The following ARL15 variants were observed in gnomAD, a reference collection of about 807,000 sequenced individuals.
The protein encoded by ARL15 is ADP-ribosylation factor-like protein 15.
ARL15 carries 19 observed loss-of-function variants against 25.2 expected under a neutral mutation model. That is an observed-to-expected ratio of 0.75 (90% confidence interval 0.53 to 1.10). The LOEUF (loss-of-function observed/expected upper bound fraction) is 1.10, where lower values mean the gene tolerates loss of function less well. Ranked by LOEUF, ARL15 falls within the 50% of genes least tolerant of loss-of-function variation. The probability of loss-of-function intolerance (pLI) is 0.00; values close to 1 mark genes in which losing one functional copy is unlikely to be tolerated. For missense variants in ARL15, 220 were observed against 246.0 expected (o/e 0.89, Z 0.71); for synonymous variants, 94 against 86.8 (o/e 1.08, Z -0.46).
chr5:54,150,322 AAAG>A (rs925177246), intron 3 of ARL15, among the ~76,000 whole-genome samples: 3 of 152,210 alleles, frequency 2.0e-5, no homozygotes, highest in African/African-American at 7.2e-5. Flanking sequence ...TGAAGAAATC[AAAG>A]GAGGGAAGCA....
intron 1 of ARL15, among the ~76,000 whole-genome samples, chr5:54,249,490 C>G (rs186232473): frequency 6.6e-6 from 1 of 151,700 alleles, no homozygotes; most frequent in Non-Finnish European, 1.5e-5. Context: ...CAGAAGGGAA[C>G]GGGAAGAGTA....
chr5:53,910,777 T>C (rs1745438473), intron 4 of ARL15, among the ~76,000 whole-genome samples: 1 of 151,038 alleles, frequency 6.6e-6, no homozygotes, highest in Admixed American at 6.6e-5. Context: ...TCACAGATCA[T>C]GATTCCCCTG....
chr5:54,264,500 C>T (rs897636917), intron 1 of ARL15, among the ~76,000 whole-genome samples: 1 of 152,112 alleles, frequency 6.6e-6, no homozygotes, highest in African/African-American at 2.4e-5. Context: ...ATGAGGTACC[C>T]CCACAGTCAC....
At chr5:54,178,824 C>G (rs994726621) in intron 1 of ARL15, among the ~76,000 whole-genome samples, 1 of 152,164 alleles carries the variant, frequency 6.6e-6, no homozygotes, top group African/African-American at 2.4e-5. Context: ...AGTTATGGCT[C>G]TGTCTTTTGA....
intron 4 of ARL15, among the ~76,000 whole-genome samples, chr5:54,067,600 C>T (rs1305562907): frequency 6.6e-6 from 1 of 152,182 alleles, no homozygotes; most frequent in Non-Finnish European, 1.5e-5. Flanking sequence ...CTATGAAATG[C>T]TTGTGCTACA....
At chr5:54,000,501 C>T (rs771410478) in intron 4 of ARL15, among the ~76,000 whole-genome samples, 6 of 152,130 alleles carry the variant, frequency 3.9e-5, no homozygotes, top group Non-Finnish European at 5.9e-5. Flanking sequence ...AATGATGTAA[C>T]AACTGATGTA....
At chr5:53,981,245 A>G (rs1364758061) in intron 4 of ARL15, among the ~76,000 whole-genome samples, 1 of 152,256 alleles carries the variant, frequency 6.6e-6, no homozygotes, top group Non-Finnish European at 1.5e-5. Flanking sequence ...GAAAAATGAT[A>G]AAATAAATAT....
At chr5:54,185,418 A>G (rs905295822) in intron 1 of ARL15, among the ~76,000 whole-genome samples, 3 of 152,158 alleles carry the variant, frequency 2.0e-5, no homozygotes, top group South Asian at 2.1e-4. Flanking sequence ...TTTCACTGTC[A>G]TAACACTCAT....
intron 4 of ARL15, among the ~76,000 whole-genome samples, chr5:53,897,275 A>G (rs1744903874): frequency 6.6e-6 from 1 of 152,158 alleles, no homozygotes; most frequent in Non-Finnish European, 1.5e-5. Context: ...TTTAGCAACC[A>G]CTACTCTACT....
At chr5:54,102,873 C>G (rs1409458819) in intron 4 of ARL15, among the ~76,000 whole-genome samples, 9 of 152,118 alleles carry the variant, frequency 5.9e-5, no homozygotes, top group African/African-American at 2.2e-4. Flanking sequence ...TATGTGACTT[C>G]TAAATTACTT....
intron 4 of ARL15, among the ~76,000 whole-genome samples, chr5:53,894,364 C>T (rs929878928): frequency 3.9e-5 from 6 of 152,094 alleles, no homozygotes; most frequent in Non-Finnish European, 5.9e-5. Context: ...TTCCAATGCA[C>T]GGGAGAAGTT....
At position 54,125,075 on chromosome 5, in the gene ARL15, G is replaced by GTTTTTTT. The variant is rs774608441; in HGVS notation, c.254-11666_254-11665insAAAAAAA. 2.7e-4 allele frequency among the ~76,000 whole-genome samples: 36 copies of GTTTTTTT among 134,994 alleles called. 1 individual carries two copies. Among genetic ancestry groups the GTTTTTTT allele is most frequent in the South Asian group, 2.3e-3 (10 of 4,316 alleles). 88.6% of individuals were successfully genotyped at this position (134,994 alleles called of 152,430 possible). On this transcript the variant is annotated intron_variant, in intron 3 of 4. Transcript: ENST00000504924. ...TTCTGGTAAGCAAGTTTTTTGTTTTGTTTTGTTTTGTTTTTTTTTTTTTTG... is the reference window on the plus strand; with the variant it reads ...TTCTGGTAAGCAAGTTTTTTGTTTTGTTTTTTTTTTTGTTTTGTTTTTTTTTTTTTTG...
intron 4 of ARL15, among the ~76,000 whole-genome samples, chr5:54,068,029 T>C (rs1186618600): frequency 6.6e-6 from 1 of 152,220 alleles, no homozygotes; most frequent in East Asian, 1.9e-4. Context: ...ACAGAGACCA[T>C]GTCTTGACAC....
intron 4 of ARL15, among the ~76,000 whole-genome samples, chr5:54,088,414 T>C (rs1272413127): frequency 6.6e-6 from 1 of 152,216 alleles, no homozygotes. Context: ...ACACATAGTA[T>C]GTACACATAG....
At chr5:53,992,761 T>C (rs1748545083) in intron 4 of ARL15, among the ~76,000 whole-genome samples, 1 of 152,202 alleles carries the variant, frequency 6.6e-6, no homozygotes, top group Non-Finnish European at 1.5e-5. Context: ...TATTGGTACA[T>C]TGCATGAAAA....
At chr5:54,156,077 AT>A (rs1187197727) in intron 2 of ARL15, among the ~76,000 whole-genome samples, 1 of 152,240 alleles carries the variant, frequency 6.6e-6, no homozygotes, top group Non-Finnish European at 1.5e-5. Context: ...GATAAAAACA[AT>A]TCTTTCAAAT....
intron 2 of ARL15, 142 bp downstream of exon 2, chr5:54,171,642 G>T: frequency 9.6e-7 from 1 of 1,043,242 alleles, no homozygotes; most frequent in Non-Finnish European, 1.3e-6. Context: ...AATCTTTTTT[G>T]AAAAAGAGAT....
Position 53,912,665 on chromosome 5 carries a change from C to T in ARL15, c.463-25952G>A, listed in dbSNP as rs79318693. 1.8e-3 allele frequency among the ~76,000 whole-genome samples: 271 copies of T among 152,270 alleles called. 1 individual carries two copies. Among genetic ancestry groups the T allele is most frequent in the African/African-American group, 6.1e-3 (254 of 41,558 alleles). On this transcript the variant is annotated intron_variant, in intron 4 of 4. Transcript: ENST00000504924. Reference sequence around the variant, plus strand: ...CAGACACATGACACATTGATATGATCAAGGTTGATTGGTGGCTTCCCACAT... The same window carrying T: ...CAGACACATGACACATTGATATGATTAAGGTTGATTGGTGGCTTCCCACAT...
At chr5:53,977,354 CAAAA>C (rs397884651) in intron 4 of ARL15, among the ~76,000 whole-genome samples, 14 of 90,234 alleles carry the variant, frequency 1.6e-4, no homozygotes, top group Non-Finnish European at 2.5e-4. Context: ...GACTCCGCCT[CAAAA>C]AAAAAAAAAA....
Sources: gnomAD v4.1 joint callset for allele counts (sites outside exome capture counted in the v4.1 genomes callset) on GRCh38, gnomAD v4.1.1 for gene constraint, MANE v1.5 for transcripts, NCBI Gene and HGNC (gene_info 2026-07-23, HGNC 2026-07-21) for gene names.